Variants in RASSF5 observed in about 807,000 individuals in gnomAD.
RASSF5 encodes Ras association domain family member 5.
A neutral mutation model predicts 40.5 loss-of-function variants in RASSF5; 25 were observed. That is an observed-to-expected ratio of 0.62 (90% CI 0.45 to 0.86). The LOEUF (loss-of-function observed/expected upper bound fraction) is 0.86, where lower values mean the gene tolerates loss of function less well. Ranked by LOEUF, RASSF5 falls within the 40% of genes least tolerant of loss-of-function variation. The pLI is 0.00. For missense variants in RASSF5, 521 were observed against 572.8 expected (o/e 0.91, Z 0.92); for synonymous variants, 246 against 252.4 (o/e 0.97, Z 0.24).
In RASSF5 at chr1:206,507,748, C is replaced by A; in HGVS notation, c.146C>A (p.Pro49His). ...TCCTCGCGCCTCTGTGTCCCGGCGCCCCTCTCCACTGCGCCCGGGGCGCGC... is the reference window on the plus strand; with the variant it reads ...TCCTCGCGCCTCTGTGTCCCGGCGCACCTCTCCACTGCGCCCGGGGCGCGC... ...DRSSRLCVPA[P>H]LSTAPGAREG... Residue 49 changes from proline to histidine, a missense_variant, in exon 1 of 6, where the codon CCC (proline) becomes CAC (histidine). Transcript: ENST00000579436. 6.9e-7 allele frequency: 1 copy of A among 1,457,128 alleles called. No individual in the cohort carries two copies. Among genetic ancestry groups the A allele is most frequent in the Non-Finnish European group, 9.0e-7 (1 of 1,112,180 alleles). 90.3% of individuals were successfully genotyped at this position (1,457,128 alleles called of 1,614,324 possible).
intron 2 of RASSF5, chr1:206,571,585 G>GTA (rs1558517459): frequency 6.6e-6 from 1 of 152,134 alleles, no homozygotes; most frequent in Admixed American, 6.5e-5. Context: ...TAACACTAAC[G>GTA]TACAGAGAGT....
At chr1:206,528,795 T>A in intron 1 of RASSF5, 1 of 363,276 alleles carries the variant, frequency 2.8e-6, no homozygotes, top group Non-Finnish European at 4.9e-6. Context: ...CCTAGCACTT[T>A]GGGAGACTGA....
At chr1:206,555,612 C>T (rs782618495) in intron 2 of RASSF5, among the ~76,000 whole-genome samples, 6 of 152,198 alleles carry the variant, frequency 3.9e-5, no homozygotes, top group East Asian at 1.9e-4. Context: ...TGCAAACACC[C>T]GGTAGCTCAC....
chr1:206,549,458 A>G (rs1553400754), intron 2 of RASSF5, among the ~76,000 whole-genome samples: 2 of 151,926 alleles, frequency 1.3e-5, no homozygotes, highest in Non-Finnish European at 2.9e-5. Flanking sequence ...AGTGTCTTTG[A>G]CCAATGCTAA....
intron 1 of RASSF5, among the ~76,000 whole-genome samples, chr1:206,533,776 C>T (rs565426188): frequency 6.6e-6 from 1 of 152,026 alleles, no homozygotes. Flanking sequence ...AAAAAAAGTT[C>T]TAACCCCCAG....
At chr1:206,578,318 T>TA (rs1164625990) in intron 2 of RASSF5, among the ~76,000 whole-genome samples, 13 of 152,098 alleles carry the variant, frequency 8.5e-5, no homozygotes, top group Admixed American at 8.5e-4. Flanking sequence ...AGATGTAGGT[T>TA]AGCTTTAACC....
At position 206,507,965 on chromosome 1, in the gene RASSF5, G is replaced by C; in HGVS notation, c.363G>C (p.Glu121Asp). The C allele has an allele frequency of 6.5e-7, 1 of 1,536,672 alleles. No homozygotes were observed. Among genetic ancestry groups the C allele is most frequent in the Non-Finnish European group, 8.7e-7 (1 of 1,148,958 alleles). ...QDPRVPAERG[E>D]GHCFAELVLP... is the part of the protein sequence containing the mutation. ...CCAGAGTCCCGGCGGAGCGAGGCGA[G>C]GGGCACTGCTTCGCCGAGTTGGTGC... is the stretch of plus-strand genomic sequence containing the variant. Residue 121 changes from glutamate (E) to aspartate (D), a missense_variant, in exon 1 of 6, where the codon GAG becomes GAC. Glu to Asp is a conservative substitution (Grantham distance 45). Transcript: ENST00000579436.
intron 1 of RASSF5, among the ~76,000 whole-genome samples, 168 bp downstream of exon 1, chr1:206,508,227 CTGCCCGGTATCCTTTAG>C (rs1262878638): frequency 2.0e-5 from 3 of 152,158 alleles, no homozygotes; most frequent in Non-Finnish European, 4.4e-5. Context: ...CCTTAGTTCC[CTGCCCGGTATCCTTTAG>C]TGCCTGCCCA....
At chr1:206,511,801 G>C (rs1666621238) in intron 1 of RASSF5, among the ~76,000 whole-genome samples, 1 of 152,074 alleles carries the variant, frequency 6.6e-6, no homozygotes, top group Non-Finnish European at 1.5e-5. Flanking sequence ...CTACGCTATT[G>C]GCTGGGTTCA....
chr1:206,508,202 T>C, intron 1 of RASSF5, 143 bp downstream of exon 1: 1 of 605,748 alleles, frequency 1.7e-6, no homozygotes, highest in Non-Finnish European at 2.6e-6. Flanking sequence ...TAACAACCCC[T>C]GGGGACAGTC....
At chr1:206,557,838 C>G (rs1346313155) in intron 2 of RASSF5, 11 of 849,428 alleles carry the variant, frequency 1.3e-5, no homozygotes, top group Non-Finnish European at 2.0e-5. Flanking sequence ...GGCTGAGCAT[C>G]GTATCTGGAG....
At chr1:206,586,721 G>T in intron 5 of RASSF5, 105 bp from the exon 6 acceptor site, 1 of 857,988 alleles carries the variant, frequency 1.2e-6, no homozygotes, top group Non-Finnish European at 1.9e-6. Context: ...GTGAATCACG[G>T]ATGTGAACTG....
intron 2 of RASSF5, among the ~76,000 whole-genome samples, chr1:206,555,359 T>A (rs1553401607): frequency 6.9e-6 from 1 of 144,802 alleles, no homozygotes; most frequent in African/African-American, 2.5e-5. Flanking sequence ...ACAGAGAATC[T>A]GGGGCCTGTT....
chr1:206,511,348 T>C (rs564670161), intron 1 of RASSF5, among the ~76,000 whole-genome samples: 2 of 152,226 alleles, frequency 1.3e-5, no homozygotes, highest in Non-Finnish European at 2.9e-5. Context: ...TCTCAGGGAC[T>C]TCCCCTTACA....
chr1:206,531,480 C>T lies in RASSF5; in HGVS notation c.458-6692C>T, dbSNP rs1488087903. 1.3e-5 allele frequency among the ~76,000 whole-genome samples: 2 copies of T among 152,252 alleles called. No homozygotes were observed. The highest frequency in any genetic ancestry group is 3.9e-4 in the East Asian group (2 of 5,188). On this transcript the variant is annotated intron_variant, in intron 1 of 5. Transcript: ENST00000579436. The surrounding 1 kb of genome is among the most constrained non-coding windows in gnomAD (Gnocchi z 4.7). ...GCTGGGGGAGCTGGCAGGGTAGAGG[C>T]TGCAGGGTGAGGGTGCAGGGGGCTG...
intron 2 of RASSF5, among the ~76,000 whole-genome samples, chr1:206,581,919 A>G (rs2103567673): frequency 6.6e-6 from 1 of 152,086 alleles, no homozygotes; most frequent in East Asian, 1.9e-4. Context: ...TGGTGATGTG[A>G]CGTCGCGGCA....
Position 206,507,974 on chromosome 1 carries a change from C to T in RASSF5, c.372C>T (p.Cys124=), listed in dbSNP as rs1666506594. 1.3e-6 allele frequency: 2 copies of T among 1,535,858 alleles called. No homozygotes were observed. Residue 124 remains cysteine (C), a synonymous_variant, in exon 1 of 6, where the codon TGC becomes TGT. Coordinates refer to ENST00000579436, the MANE Select transcript of RASSF5 (RefSeq NM_182663.4). The part of the protein sequence containing the change: ...RVPAERGEGH[C]FAELVLPGGP... Reference sequence around the variant, plus strand: ...CGGCGGAGCGAGGCGAGGGGCACTGCTTCGCCGAGTTGGTGCTGCCGGGCG... The same window carrying T: ...CGGCGGAGCGAGGCGAGGGGCACTGTTTCGCCGAGTTGGTGCTGCCGGGCG...
intron 2 of RASSF5, among the ~76,000 whole-genome samples, chr1:206,559,125 C>T (rs1553402241): frequency 1.3e-5 from 2 of 152,234 alleles, no homozygotes. Context: ...GGGGTACAGC[C>T]TGGGCATCAG....
At chr1:206,542,477 T>C (rs1553399513) in intron 2 of RASSF5, 2 of 152,260 alleles carry the variant, frequency 1.3e-5, no homozygotes, top group Non-Finnish European at 2.9e-5. Flanking sequence ...GGTGTAATGC[T>C]TGTACAGCCT....
Sources: allele counts gnomAD v4.1 joint callset (sites outside exome capture counted in the v4.1 genomes callset), GRCh38; gene constraint gnomAD v4.1.1; non-coding constraint Gnocchi (gnomAD v3.1); transcripts MANE v1.5; gene names NCBI Gene and HGNC (gene_info 2026-07-23, HGNC 2026-07-21).